Variants in ZCWPW2 observed in about 807,000 individuals in gnomAD.
ZCWPW2 encodes zinc finger CW-type and PWWP domain containing 2.
ZCWPW2 carries 45 observed loss-of-function variants against 46.6 expected under a neutral mutation model. That is an observed-to-expected ratio of 0.96 (90% CI 0.76 to 1.24). The LOEUF is 1.24. Among genes scored for constraint, ZCWPW2 ranks in the 50% most tolerant of loss-of-function variants. ZCWPW2 has a pLI of 0.00. For synonymous variants in ZCWPW2, 152 were observed against 137.1 expected, an observed-to-expected ratio of 1.11 and a Z score of -0.76; for missense variants, 429 against 403.9, an observed-to-expected ratio of 1.06 and a Z score of -0.53.
intron 1 of ZCWPW2, among the ~76,000 whole-genome samples, chr3:28,350,599 T>C (rs1422847910): frequency 6.7e-6 from 1 of 148,902 alleles, no homozygotes; most frequent in Non-Finnish European, 1.5e-5. Flanking sequence ...GAACCCCTGC[T>C]AGATTATGAC....
intron 2 of ZCWPW2, among the ~76,000 whole-genome samples, chr3:28,393,134 G>C (rs765648482): frequency 6.6e-6 from 1 of 151,954 alleles, no homozygotes; most frequent in Non-Finnish European, 1.5e-5. Flanking sequence ...AGATACCATA[G>C]AAATACAAAG....
chr3:28,498,806 C>T (rs1700066413), intron 6 of ZCWPW2, among the ~76,000 whole-genome samples: 1 of 151,978 alleles, frequency 6.6e-6, no homozygotes, highest in Non-Finnish European at 1.5e-5. Flanking sequence ...CCTAGCCAGC[C>T]ACCCCCCAAC....
chr3:28,448,082 T>C (rs976770820), intron 4 of ZCWPW2: 15 of 244,266 alleles, frequency 6.1e-5, no homozygotes, highest in African/African-American at 2.2e-4. Flanking sequence ...AAATAAAAAA[T>C]GAAGCTTTTT....
chr3:28,406,812 CTTTTCTTTT>C (rs778100530), intron 2 of ZCWPW2, among the ~76,000 whole-genome samples: 1 of 145,686 alleles, frequency 6.9e-6, no homozygotes, highest in East Asian at 2.0e-4. Context: ...ATGGAATTTC[CTTTTCTTTT>C]TTTTCTTTTT....
chr3:28,492,229 A>ATTCTTTAAATAATATAATT, intron 6 of ZCWPW2, 56 bp downstream of exon 6: 2 of 1,413,210 alleles, frequency 1.4e-6, no homozygotes, highest in Non-Finnish European at 1.9e-6. Flanking sequence ...ATTTAACACT[A>ATTCTTTAAATAATATAATT]TTCTTTAAAG....
At position 28,471,810 on chromosome 3, in the gene ZCWPW2, A is replaced by T. The variant is rs1699048962; in HGVS notation, c.493-7004A>T. Among the ~76,000 whole-genome samples, 3 of 152,190 alleles carry T rather than the reference A, an allele frequency of 2.0e-5. No individual in the cohort carries two copies. In the South Asian group the frequency reaches 6.2e-4, roughly 32 times the overall value. On this transcript the variant is annotated intron_variant, in intron 4 of 9. Coordinates refer to ENST00000383768, the MANE Select transcript of ZCWPW2 (RefSeq NM_001040432.4). ...ATTATCCTTGTTTGCAGGTGATATC[A>T]TCTTATATTTAGAGAAACCTAAAGA...
intron 3 of ZCWPW2, among the ~76,000 whole-genome samples, chr3:28,423,634 G>T (rs538773164): frequency 6.6e-6 from 1 of 152,042 alleles, no homozygotes; most frequent in Admixed American, 6.5e-5. Context: ...CCAAAGTGCT[G>T]GAATTACAGG....
At chr3:28,482,524 C>G (rs1475700324) in intron 5 of ZCWPW2, among the ~76,000 whole-genome samples, 1 of 152,164 alleles carries the variant, frequency 6.6e-6, no homozygotes, top group Non-Finnish European at 1.5e-5. Context: ...CCAAGGAACA[C>G]AATTGCTGAT....
Position 28,390,512 on chromosome 3 carries a change from A to C in ZCWPW2, c.-119A>C, listed in dbSNP as rs1695444674. On this transcript the variant is annotated 5_prime_UTR_variant, in exon 2 of 10. Coordinates refer to ENST00000383768, the MANE Select transcript of ZCWPW2 (RefSeq NM_001040432.4). ...AACTTCTTCAGATTCATCCCAGTAG[A>C]ACGCCTGCCTCTTTAGTGACTACAG... The C allele has an allele frequency of 1.0e-6, 1 of 985,250 alleles. No homozygotes were observed. Among genetic ancestry groups the C allele is most frequent in the African/African-American group, 1.7e-5 (1 of 57,234 alleles). 61.0% of individuals were successfully genotyped at this position (985,250 alleles called of 1,614,324 possible). A position where few individuals can be genotyped will look rare whatever the true frequency, so the allele number is the denominator to read the frequency against.
intron 4 of ZCWPW2, among the ~76,000 whole-genome samples, chr3:28,472,355 A>G (rs1446802541): frequency 6.6e-6 from 1 of 152,224 alleles, no homozygotes; most frequent in Non-Finnish European, 1.5e-5. Context: ...CCAAAATGGT[A>G]TGGTATTGGC....
At chr3:28,468,791 C>A (rs985937204) in intron 4 of ZCWPW2, among the ~76,000 whole-genome samples, 2 of 152,110 alleles carry the variant, frequency 1.3e-5, no homozygotes, top group East Asian at 3.9e-4. Context: ...TTCCTCAACA[C>A]CAGACCTGTC....
intron 1 of ZCWPW2, among the ~76,000 whole-genome samples, chr3:28,354,105 G>A (rs1321297107): frequency 6.6e-6 from 1 of 152,056 alleles, no homozygotes; most frequent in Non-Finnish European, 1.5e-5. Context: ...TATTAGAGAA[G>A]CCAGTCACAT....
chr3:28,423,893 A>G (rs1696899581), intron 3 of ZCWPW2, among the ~76,000 whole-genome samples: 1 of 151,938 alleles, frequency 6.6e-6, no homozygotes, highest in Non-Finnish European at 1.5e-5. Flanking sequence ...TGGATCATAT[A>G]ATTTTTAGTA....
In ZCWPW2 at chr3:28,365,786, A is replaced by C. The variant is rs560078004; in HGVS notation, c.-134+16583A>C. On this transcript the variant is annotated intron_variant, in intron 1 of 9. Coordinates refer to ENST00000383768, the MANE Select transcript of ZCWPW2 (RefSeq NM_001040432.4). ...GATTCTTCCTACCCATGAGCATGGAATGTTCTTCCATTTGTTTGTATCCTC... is the reference window on the plus strand; with the variant it reads ...GATTCTTCCTACCCATGAGCATGGACTGTTCTTCCATTTGTTTGTATCCTC... Among the ~76,000 whole-genome samples, 84 of 141,052 alleles carry C rather than the reference A, an allele frequency of 6.0e-4. 15 individuals are homozygous for C. Among genetic ancestry groups the C allele is most frequent in the South Asian group, 2.5e-3 (11 of 4,362 alleles). 92.5% of individuals were successfully genotyped at this position (141,052 alleles called of 152,430 possible). A position where few individuals can be genotyped will look rare whatever the true frequency, so the allele number is the denominator to read the frequency against.
intron 1 of ZCWPW2, among the ~76,000 whole-genome samples, chr3:28,353,731 A>T (rs946495607): frequency 6.6e-6 from 1 of 152,192 alleles, no homozygotes; most frequent in African/African-American, 2.4e-5. Flanking sequence ...ACAATGATAA[A>T]ATGCAGTGAT....
chr3:28,508,080 T>C (rs955708417), intron 6 of ZCWPW2, among the ~76,000 whole-genome samples: 1 of 152,112 alleles, frequency 6.6e-6, no homozygotes, highest in Non-Finnish European at 1.5e-5. Context: ...GGGCCCAGGA[T>C]GCTTCCACTC....
At chr3:28,470,484 C>A (rs1698997509) in intron 4 of ZCWPW2, among the ~76,000 whole-genome samples, 2 of 134,622 alleles carry the variant, frequency 1.5e-5, no homozygotes, top group African/African-American at 2.8e-5. Context: ...CAGAGCGAGA[C>A]TCCGTCTTAA....
At chr3:28,479,057 G>C (rs1343370506) in intron 5 of ZCWPW2, 126 bp downstream of exon 5, 3 of 587,490 alleles carry the variant, frequency 5.1e-6, no homozygotes, top group African/African-American at 2.0e-5. Context: ...GTATATCATT[G>C]TTTATTTGAA....
intron 4 of ZCWPW2, among the ~76,000 whole-genome samples, chr3:28,469,843 A>C (rs1011549962): frequency 1.3e-5 from 2 of 152,182 alleles, no homozygotes; most frequent in Non-Finnish European, 2.9e-5. Flanking sequence ...AGAATTCAAC[A>C]TCCCACTTTC....
Sources: allele counts gnomAD v4.1 joint callset (sites outside exome capture counted in the v4.1 genomes callset), GRCh38; gene constraint gnomAD v4.1.1; transcripts MANE v1.5; gene names NCBI Gene and HGNC (gene_info 2026-07-23, HGNC 2026-07-21).